Variants in RPH3A observed in about 807,000 individuals in gnomAD.
The protein encoded by RPH3A is rabphilin-3A.
RPH3A carries 48 observed loss-of-function variants against 102.2 expected under a neutral mutation model. The ratio of observed to expected loss-of-function variants is 0.47; its 90% CI spans 0.37 to 0.60. The LOEUF is 0.60. Ranked by LOEUF, RPH3A falls within the 20% of genes least tolerant of loss-of-function variation. The pLI is 0.00. For missense variants in RPH3A, 781 were observed against 910.1 expected, an observed-to-expected ratio of 0.86 and a Z score of 1.83; for synonymous variants, 310 against 324.3, an observed-to-expected ratio of 0.96 and a Z score of 0.47.
At chr12:112,630,267 C>A (rs1435846903) in intron 1 of RPH3A, among the ~76,000 whole-genome samples, 1 of 152,130 alleles carries the variant, frequency 6.6e-6, no homozygotes, top group East Asian at 1.9e-4. Flanking sequence ...TTATCAACTC[C>A]TTGAAACTCA....
At chr12:112,759,410 G>A (rs961339943) in intron 1 of RPH3A, among the ~76,000 whole-genome samples, 1 of 152,140 alleles carries the variant, frequency 6.6e-6, no homozygotes, top group Non-Finnish European at 1.5e-5. Context: ...TCCTGGTTTG[G>A]ATGAACCATA....
chr12:112,654,482 C>T (rs1456679019), intron 1 of RPH3A, among the ~76,000 whole-genome samples: 2 of 152,010 alleles, frequency 1.3e-5, no homozygotes, highest in African/African-American at 2.4e-5. Flanking sequence ...CTAGGAGCTC[C>T]TCAGTGTCAT....
intron 1 of RPH3A, among the ~76,000 whole-genome samples, chr12:112,653,823 C>T (rs1161238218): frequency 6.6e-6 from 1 of 152,078 alleles, no homozygotes; most frequent in African/African-American, 2.4e-5. Flanking sequence ...TACAGCTGTA[C>T]AAAATATTTT....
intron 1 of RPH3A, among the ~76,000 whole-genome samples, chr12:112,697,461 G>T (rs935554353): frequency 2.0e-5 from 3 of 152,164 alleles, no homozygotes; most frequent in Admixed American, 2.0e-4. Flanking sequence ...TGAGAGAAAT[G>T]AAGGAAAATC....
intron 2 of RPH3A, among the ~76,000 whole-genome samples, chr12:112,797,935 T>A (rs1478404077): frequency 6.6e-6 from 1 of 152,182 alleles, no homozygotes; most frequent in Non-Finnish European, 1.5e-5. Flanking sequence ...GCTATCCTCC[T>A]GCCTCGGCCT....
At chr12:112,608,233 A>C (rs1312182754) in intron 1 of RPH3A, among the ~76,000 whole-genome samples, 1 of 151,158 alleles carries the variant, frequency 6.6e-6, no homozygotes, top group Non-Finnish European at 1.5e-5. Context: ...TTCCAGCCTC[A>C]GCCTCCCGAG....
intron 1 of RPH3A, among the ~76,000 whole-genome samples, chr12:112,716,868 C>T (rs1016125361): frequency 3.3e-5 from 5 of 152,214 alleles, no homozygotes; most frequent in Non-Finnish European, 7.3e-5. Context: ...CACAGGTACA[C>T]ATTGGGCATA....
chr12:112,873,455 C>T (rs921243581), intron 10 of RPH3A, among the ~76,000 whole-genome samples: 2 of 152,190 alleles, frequency 1.3e-5, no homozygotes, highest in Non-Finnish European at 2.9e-5. Flanking sequence ...TCCCTTGTTC[C>T]AGGGCTTAAT....
intron 2 of RPH3A, among the ~76,000 whole-genome samples, chr12:112,810,204 G>A (rs561660611): frequency 2.5e-4 from 38 of 152,254 alleles, no homozygotes; most frequent in African/African-American, 8.4e-4. Context: ...AGGGCTGAAT[G>A]AATTCAGTAC....
At chr12:112,879,682 C>G (rs2042872918) in intron 14 of RPH3A, among the ~76,000 whole-genome samples, 1 of 152,198 alleles carries the variant, frequency 6.6e-6, no homozygotes, top group Non-Finnish European at 1.5e-5. Flanking sequence ...TCGCTGCAGG[C>G]CCTGGGGGAG....
intron 1 of RPH3A, among the ~76,000 whole-genome samples, chr12:112,648,078 A>G (rs2039944615): frequency 6.6e-6 from 1 of 152,328 alleles, no homozygotes; most frequent in East Asian, 1.9e-4. Context: ...ATTGCAGATC[A>G]TTTGGAAAAT....
intron 1 of RPH3A, among the ~76,000 whole-genome samples, chr12:112,728,352 G>C (rs4141280): frequency 0.15 from 23,257 of 152,088 alleles, 1,852 homozygotes; most frequent in South Asian, 0.21. Context: ...TCTTGAAATG[G>C]CTTTTAAGCT....
chr12:112,766,850 A>G (rs983864451), intron 1 of RPH3A, among the ~76,000 whole-genome samples: 3 of 152,174 alleles, frequency 2.0e-5, no homozygotes, highest in African/African-American at 7.2e-5. Flanking sequence ...TTTATATCCA[A>G]AATTCAAACC....
intron 1 of RPH3A, among the ~76,000 whole-genome samples, chr12:112,580,327 C>G (rs998163842): frequency 6.6e-6 from 1 of 150,830 alleles, no homozygotes; most frequent in Non-Finnish European, 1.5e-5. Flanking sequence ...AAGGGCATGA[C>G]TATAAAAGGG....
chr12:112,641,563 A>G (rs773131015), intron 1 of RPH3A, among the ~76,000 whole-genome samples: 2 of 151,948 alleles, frequency 1.3e-5, no homozygotes, highest in Non-Finnish European at 2.9e-5. Context: ...CACCTGGCTA[A>G]TTTTTGTATT....
intron 2 of RPH3A, among the ~76,000 whole-genome samples, chr12:112,804,101 G>A (rs1393962473): frequency 6.6e-6 from 1 of 152,134 alleles, no homozygotes; most frequent in Non-Finnish European, 1.5e-5. Flanking sequence ...GAGGAGAGTT[G>A]GAATTACTTC....
chr12:112,898,341 C>G lies in RPH3A; in HGVS notation c.*1561C>G, dbSNP rs2043219841. 6.6e-6 allele frequency: 1 copy of G among 152,192 alleles called. No individual in the cohort carries two copies. The highest frequency in any genetic ancestry group is 1.5e-5 in the Non-Finnish European group (1 of 68,046). The allele number at this position is 152,192 out of a possible 1,614,324, so 9.4% of individuals were successfully genotyped here. A position where few individuals can be genotyped will look rare whatever the true frequency, so the allele number is the denominator to read the frequency against. On this transcript the variant is annotated 3_prime_UTR_variant, in exon 22 of 22. Transcript: ENST00000389385. The stretch of plus-strand genomic sequence containing the variant: ...TTTCCCAATTTTGATGAAGTCTTCC[C>G]TCATGAAAATCACTCCCAGTCATCC...
intron 1 of RPH3A, among the ~76,000 whole-genome samples, chr12:112,698,201 C>T (rs545771220): frequency 4.6e-5 from 7 of 152,240 alleles, no homozygotes; most frequent in African/African-American, 1.7e-4. Context: ...ATTGGATATC[C>T]ACGTGGAAAT....
At chr12:112,852,469 A>G (rs1037526791) in intron 5 of RPH3A, among the ~76,000 whole-genome samples, 3 of 152,228 alleles carry the variant, frequency 2.0e-5, no homozygotes, top group African/African-American at 7.2e-5. Flanking sequence ...GGATCTGAGG[A>G]CAAGAACACA....
Sources: gnomAD v4.1 joint callset for allele counts (sites outside exome capture counted in the v4.1 genomes callset) on GRCh38, gnomAD v4.1.1 for gene constraint, MANE v1.5 for transcripts, NCBI Gene and HGNC (gene_info 2026-07-23, HGNC 2026-07-21) for gene names.